Variants in DEFB124 observed in about 807,000 individuals in gnomAD.
DEFB124 encodes the protein beta-defensin 124.
For missense variants in DEFB124, 78 were observed against 83.1 expected, an observed-to-expected ratio of 0.94 and a Z score of 0.24; for synonymous variants, 38 against 36.5, an observed-to-expected ratio of 1.04 and a Z score of -0.15.
chr20:31,470,946 T>A (rs1226109675), intron 2 of DEFB124, among the ~76,000 whole-genome samples: 1 of 122,838 alleles, frequency 8.1e-6, no homozygotes, highest in Admixed American at 8.3e-5. Context: ...CACTTCCCAG[T>A]AGGGGCGGCT....
At chr20:31,466,622 T>TATATATATATATATATAA (rs1555833602) in intron 2 of DEFB124, among the ~76,000 whole-genome samples, 2 of 148,534 alleles carry the variant, frequency 1.3e-5, no homozygotes, top group East Asian at 1.9e-4. Flanking sequence ...TATATATATA[T>TATATATATATATATATAA]AAAACCTTAT....
intron 2 of DEFB124, among the ~76,000 whole-genome samples, chr20:31,471,578 C>T (rs1458802323): frequency 6.7e-5 from 10 of 148,644 alleles, no homozygotes; most frequent in African/African-American, 1.3e-4. Context: ...GGGCGGCTGC[C>T]GGGCGGAGAC....
chr20:31,469,514 C>T (rs1254504515), intron 2 of DEFB124, among the ~76,000 whole-genome samples: 1 of 150,986 alleles, frequency 6.6e-6, no homozygotes, highest in Non-Finnish European at 1.5e-5. Flanking sequence ...TTGGCAGGGT[C>T]ATAGGACAAT....
At chr20:31,473,884 T>C (rs1165498869) in intron 1 of DEFB124, among the ~76,000 whole-genome samples, 1 of 152,138 alleles carries the variant, frequency 6.6e-6, no homozygotes, top group Non-Finnish European at 1.5e-5. Context: ...ACCGCCAAAG[T>C]TTGAGAACCC....
chr20:31,466,273 T>C (rs1980080332), intron 2 of DEFB124, among the ~76,000 whole-genome samples: 2 of 152,006 alleles, frequency 1.3e-5, no homozygotes, highest in African/African-American at 4.8e-5. Flanking sequence ...ATCCCTGCTA[T>C]ACAGGTAAGG....
chr20:31,471,365 C>A (rs1189193624), intron 2 of DEFB124, among the ~76,000 whole-genome samples: 1 of 78,132 alleles, frequency 1.3e-5, no homozygotes, highest in Non-Finnish European at 2.6e-5. Context: ...CGGGGGCTGA[C>A]CCCCCCACCT....
intron 2 of DEFB124, among the ~76,000 whole-genome samples, chr20:31,471,547 C>T (rs1174138866): frequency 6.7e-6 from 1 of 148,920 alleles, no homozygotes; most frequent in African/African-American, 2.5e-5. Flanking sequence ...GAGGCTGATC[C>T]CCCCACCTCC....
intron 1 of DEFB124, 104 bp from the exon 2 acceptor site, chr20:31,473,142 C>T: frequency 9.6e-7 from 1 of 1,037,148 alleles, no homozygotes; most frequent in Admixed American, 2.5e-5. Flanking sequence ...GGCAGCAGGC[C>T]TAAGTGGGAG....
At chr20:31,472,568 T>A in intron 2 of DEFB124, 1 of 186,570 alleles carries the variant, frequency 5.4e-6, no homozygotes, top group Admixed American at 5.6e-5. Flanking sequence ...CTCTAACCCC[T>A]TCCCTTGCCT....
At position 31,472,861 on chromosome 20, in the gene DEFB124, C is replaced by A. The variant is rs1272119176; in HGVS notation, c.58+95G>T. The A allele has an allele frequency of 4.2e-6, 6 of 1,439,188 alleles. No individual in the cohort carries two copies. In the East Asian group the frequency reaches 9.8e-5, roughly 24 times the overall value. The allele number at this position is 1,439,188 out of a possible 1,614,324, so 89.2% of individuals were successfully genotyped here. A position where few individuals can be genotyped will look rare whatever the true frequency, so the allele number is the denominator to read the frequency against. ...GCCAGAACTTAAATGCTGATAGAGG[C>A]CCCTCTGTCCTCCAGGACCTGAGAG... is the stretch of plus-strand genomic sequence containing the variant. On this transcript the variant is annotated intron_variant, in intron 2 of 2. Coordinates refer to ENST00000317676, the MANE Select transcript of DEFB124 (RefSeq NM_001037500.2).
intron 2 of DEFB124, among the ~76,000 whole-genome samples, chr20:31,469,439 CT>C (rs879880646): frequency 1.2e-3 from 176 of 146,292 alleles, no homozygotes; most frequent in South Asian, 3.7e-3. Flanking sequence ...AGAAACAAAT[CT>C]TTTTTTTTTT....
rs193122343 is a variant in DEFB124 at position 31,475,031 on chromosome 20, T to A, written c.-430A>T. Among the ~76,000 whole-genome samples the A allele has an allele frequency of 4.1e-4, 63 of 152,316 alleles. No individual in the cohort carries two copies. The East Asian group carries it at 0.012, about 29-fold the overall frequency. On this transcript the variant is annotated 5_prime_UTR_variant, in exon 1 of 3. Coordinates refer to ENST00000317676, the MANE Select transcript of DEFB124 (RefSeq NM_001037500.2). The surrounding 1 kb of genome is among the most constrained non-coding windows in gnomAD (Gnocchi z 5.0). ...GCATCCCCTTGATGGAGTGGACAGA[T>A]GTGGACGCAGATGGAGCTCCAGACC...
chr20:31,471,487 G>A (rs1239728237), intron 2 of DEFB124, among the ~76,000 whole-genome samples: 1 of 137,662 alleles, frequency 7.3e-6, no homozygotes, highest in Non-Finnish European at 1.6e-5. Flanking sequence ...CTCCCGGACG[G>A]GGGGCTGACC....
At chr20:31,469,390 G>A (rs749303112) in intron 2 of DEFB124, among the ~76,000 whole-genome samples, 2 of 152,054 alleles carry the variant, frequency 1.3e-5, no homozygotes, top group Admixed American at 6.6e-5. Context: ...GCCATTGCAC[G>A]AGCAACAAGA....
At chr20:31,469,537 G>A (rs1980172403) in intron 2 of DEFB124, among the ~76,000 whole-genome samples, 1 of 151,812 alleles carries the variant, frequency 6.6e-6, no homozygotes, top group African/African-American at 2.4e-5. Context: ...TGGAGGGAAG[G>A]TCGGCAGATA....
At chr20:31,467,837 C>G (rs561718965) in intron 2 of DEFB124, among the ~76,000 whole-genome samples, 5 of 152,088 alleles carry the variant, frequency 3.3e-5, no homozygotes, top group Non-Finnish European at 7.4e-5. Flanking sequence ...AATGTAGCCT[C>G]TAATTCCTAG....
chr20:31,465,532 G>A lies in DEFB124; in HGVS notation c.190C>T (p.Pro64Ser), dbSNP rs1296941990. ...TACTCATATTCATGCTTGGGGACCG[G>A]TGGAGGTTTCAATGCATAGGAGAGA... Reference protein sequence around the residue: ...CCLSYALKPPPVPKHEYE With the variant: ...CCLSYALKPPSVPKHEYE Residue 64 changes from proline to serine, a missense_variant, in exon 3 of 3, where the codon CCG becomes TCG. Coordinates refer to ENST00000317676, the MANE Select transcript of DEFB124 (RefSeq NM_001037500.2). The A allele has an allele frequency of 1.2e-6, 2 of 1,614,174 alleles. No individual in the cohort carries two copies. Among genetic ancestry groups the A allele is most frequent in the South Asian group, 2.2e-5 (2 of 91,078 alleles).
At chr20:31,467,880 A>G (rs192708182) in intron 2 of DEFB124, among the ~76,000 whole-genome samples, 65 of 152,170 alleles carry the variant, frequency 4.3e-4, no homozygotes, top group South Asian at 1.7e-3. Context: ...AGCCTCCTAA[A>G]TAGCTAGGAC....
At chr20:31,468,936 G>GC (rs1980151757) in intron 2 of DEFB124, among the ~76,000 whole-genome samples, 1 of 151,820 alleles carries the variant, frequency 6.6e-6, no homozygotes, top group Non-Finnish European at 1.5e-5. Context: ...ACATAGGGAG[G>GC]CCCCATCTCT....
Sources: allele counts gnomAD v4.1 joint callset (sites outside exome capture counted in the v4.1 genomes callset), GRCh38; gene constraint gnomAD v4.1.1; non-coding constraint Gnocchi (gnomAD v3.1); transcripts MANE v1.5; gene names NCBI Gene and HGNC (gene_info 2026-07-23, HGNC 2026-07-21).